ATP12A: variants seen among roughly 807,000 people sequenced by gnomAD.
ATP12A encodes the protein ATPase H+/K+ transporting non-gastric alpha2 subunit.
In ATP12A, 81 loss-of-function variants were observed where a neutral mutation model predicts 111.2. The observed-to-expected ratio is 0.73, with a 90% CI of 0.61 to 0.88. ATP12A has a LOEUF of 0.88. Ranked by LOEUF, ATP12A falls within the 40% of genes least tolerant of loss-of-function variation. The pLI is 0.00. For missense variants in ATP12A, 1,196 were observed against 1,313.1 expected (o/e 0.91, Z 1.38); for synonymous variants, 498 against 499.8 (o/e 1.00, Z 0.05).
rs747492140 is a variant in ATP12A, at chr13:24,692,510, T to C, written c.1150T>C (p.Ser384Pro). Reference protein sequence around the residue: ...KNLEAVETLGSTSIICSDKTG... With the variant: ...KNLEAVETLGPTSIICSDKTG... ...CCTGGAGGCTGTGGAGACCCTCGGC[T>C]CCACCTCCATCATCTGCTCGGACAA... The change falls in exon 9 of 23, where the codon TCC (serine) becomes CCC (proline). Residue 384 changes from serine (S) to proline (P), a missense_variant. This residue lies in a region of ATP12A where 1,126 missense variants were observed against 1,228.5 expected (regional missense o/e 0.92). Coordinates refer to ENST00000381946, the MANE Select transcript of ATP12A (RefSeq NM_001676.7). The C allele has an allele frequency of 6.2e-6, 10 of 1,614,146 alleles. No homozygotes were observed. In the South Asian group the frequency reaches 1.1e-4, roughly 18 times the overall value.
At chr13:24,701,725 G>A (rs1875405622) in intron 13 of ATP12A, among the ~76,000 whole-genome samples, 1 of 152,182 alleles carries the variant, frequency 6.6e-6, no homozygotes, top group Admixed American at 6.5e-5. Context: ...TCATGTCAGA[G>A]GAGGAAGCGT....
intron 12 of ATP12A, 86 bp downstream of exon 12, chr13:24,698,936 G>A: frequency 8.2e-6 from 12 of 1,471,144 alleles, no homozygotes; most frequent in Non-Finnish European, 1.1e-5. Context: ...CTAGCCCAGT[G>A]GCCATGGCAT....
chr13:24,696,728 A>AAAAAAG (rs1875181653), intron 11 of ATP12A, among the ~76,000 whole-genome samples: 1 of 55,108 alleles, frequency 1.8e-5, no homozygotes, highest in Non-Finnish European at 3.2e-5. Context: ...CAAAAAAAAA[A>AAAAAAG]AAAAAAAAAA....
At chr13:24,688,899 G>T (rs1446013105) in intron 4 of ATP12A, among the ~76,000 whole-genome samples, 1 of 152,086 alleles carries the variant, frequency 6.6e-6, no homozygotes, top group African/African-American at 2.4e-5. Flanking sequence ...GAGGCAACAA[G>T]CTACATGTCA....
Position 24,689,368 on chromosome 13 carries a change from T to A in ATP12A, c.539T>A (p.Ile180Asn), listed in dbSNP as rs1266943768. 2 of 1,613,772 alleles carry A rather than the reference T, an allele frequency of 1.2e-6. No homozygotes were observed. Among genetic ancestry groups the A allele is most frequent in the Admixed American group, 1.7e-5 (1 of 60,020 alleles). Residue 180 changes from isoleucine to asparagine, a missense_variant, in exon 5 of 23, where the codon ATC becomes AAC. Ile to Asn is a moderately radical substitution (Grantham distance 149). Transcript: ENST00000381946. The part of the protein sequence containing the change: ...TNIMSSFNKM[I>N]PQQALVIRDS... ...ATCATGTCCAGCTTCAATAAGATGATCCCTCAGGTGAGTGGCAGCCACCTA... is the reference window on the plus strand; with the variant it reads ...ATCATGTCCAGCTTCAATAAGATGAACCCTCAGGTGAGTGGCAGCCACCTA...
intron 11 of ATP12A, among the ~76,000 whole-genome samples, chr13:24,695,748 C>T (rs543201389): frequency 6.6e-5 from 10 of 151,844 alleles, no homozygotes; most frequent in Non-Finnish European, 1.3e-4. Context: ...GCTGGGACTA[C>T]AGGAATGCAC....
intron 8 of ATP12A, among the ~76,000 whole-genome samples, chr13:24,692,175 GT>G (rs1313391034): frequency 2.6e-5 from 4 of 152,120 alleles, no homozygotes; most frequent in African/African-American, 9.7e-5. Flanking sequence ...TGGGTCCCTT[GT>G]TTTCTTCAAG....
At chr13:24,707,482 T>C in intron 17 of ATP12A, 49 bp downstream of exon 17, 1 of 1,609,320 alleles carries the variant, frequency 6.2e-7, no homozygotes, top group Non-Finnish European at 8.5e-7. Context: ...CCAGGGGAGG[T>C]CAAGTTCAGG....
chr13:24,710,410 GAA>G, intron 19 of ATP12A, 48 bp from the exon 20 acceptor site: 2 of 1,604,264 alleles, frequency 1.2e-6, no homozygotes, highest in Non-Finnish European at 1.7e-6. Context: ...GAATTTCCTA[GAA>G]GTTTTCCTTT....
rs374530679 is a variant in ATP12A at position 24,702,070 on chromosome 13, C to T, written c.2017C>T (p.Arg673Trp). Reference sequence around the variant, plus strand: ...CATTGCTGTGGAGCAAGTTAACAAACGGTAAGCACAGGAGCAGCATAGTAA... The same window carrying T: ...CATTGCTGTGGAGCAAGTTAACAAATGGTAAGCACAGGAGCAGCATAGTAA... ...LNIAVEQVNK[R>W]DAKAAVVTGM... The change falls in exon 14 of 23, where the codon CGG becomes TGG. Residue 673 changes from arginine to tryptophan, a missense_variant and splice_region_variant. By Grantham distance (101) the Arg-to-Trp change is moderately radical. This residue lies in a region of ATP12A where 1,126 missense variants were observed against 1,228.5 expected (regional missense o/e 0.92). Transcript: ENST00000381946. The T allele has an allele frequency of 2.8e-5, 45 of 1,614,080 alleles. No homozygotes were observed. The highest frequency in any genetic ancestry group is 5.3e-5 in the African/African-American group (4 of 74,930).
intron 11 of ATP12A, among the ~76,000 whole-genome samples, chr13:24,697,316 T>C (rs1875207695): frequency 6.6e-6 from 1 of 152,190 alleles, no homozygotes; most frequent in Non-Finnish European, 1.5e-5. Context: ...GTGTTTCATA[T>C]TATCCCTATG....
chr13:24,710,609 G>C lies in ATP12A; in HGVS notation c.2897+16G>C, dbSNP rs774086288. ...GTCTCTTCAGGTACTGCCTGTGCCC[G>C]GCCTCCTGGGGCAGCCCTGGGCCTG... On this transcript the variant is annotated intron_variant, in intron 20 of 22. Coordinates refer to ENST00000381946, the MANE Select transcript of ATP12A (RefSeq NM_001676.7). The C allele has an allele frequency of 9.3e-6, 15 of 1,613,824 alleles. No individual in the cohort carries two copies. The highest frequency in any genetic ancestry group is 1.3e-5 in the Non-Finnish European group (15 of 1,179,970).
rs1240199563 is a variant in ATP12A, at chr13:24,688,512, C to A, written c.422C>A (p.Ser141Tyr). The A allele has an allele frequency of 6.3e-7, 1 of 1,593,770 alleles. No individual in the cohort carries two copies. Among genetic ancestry groups the A allele is most frequent in the Admixed American group, 1.7e-5 (1 of 58,710 alleles). The change falls in exon 4 of 23, where the codon TCC becomes TAC. Residue 141 changes from serine to tyrosine, a missense_variant. Physicochemically the swap from Ser to Tyr is moderately radical, Grantham distance 144. Around this residue, in one of 3 missense-constraint regions of ATP12A, gnomAD observed 1,126 missense variants for 1,228.5 expected, o/e 0.92. Coordinates refer to ENST00000381946, the MANE Select transcript of ATP12A (RefSeq NM_001676.7). ...GIQYSSDKSA[S>Y]LNNVYLGCVL... is the part of the protein sequence containing the mutation. ...CAGTACTCCAGCGACAAGTCTGCAT[C>A]CCTGAACAACGTAAGGCTCTGGGGT...
At chr13:24,682,311 T>C (rs1593129037) in intron 2 of ATP12A, among the ~76,000 whole-genome samples, 1 of 138,652 alleles carries the variant, frequency 7.2e-6, no homozygotes, top group Non-Finnish European at 1.6e-5. Context: ...ATGTGCATGG[T>C]ATGTGTGGTG....
At chr13:24,686,012 T>A (rs1387490237) in intron 3 of ATP12A, among the ~76,000 whole-genome samples, 1 of 152,206 alleles carries the variant, frequency 6.6e-6, no homozygotes, top group Non-Finnish European at 1.5e-5. Context: ...TTTCCACACA[T>A]GGAGGTGCTT....
chr13:24,708,950 A>AAGGAAGG lies in ATP12A; in HGVS notation c.2494-413_2494-412insGGAAGGA, dbSNP rs1566078338. 2.3e-4 allele frequency among the ~76,000 whole-genome samples: 30 copies of AAGGAAGG among 131,574 alleles called. 2 individuals carry two copies. Among genetic ancestry groups the AAGGAAGG allele is most frequent in the African/African-American group, 8.8e-4 (29 of 32,828 alleles). The allele number at this position is 131,574 out of a possible 152,430, so 86.3% of individuals were successfully genotyped here. ...GAAAGAAAGAAAGAAAGAAAGAAAG[A>AAGGAAGG]AAGAAAGAAAGAAGGAAAGAGAAAG... On this transcript the variant is annotated intron_variant, in intron 17 of 22. Transcript: ENST00000381946.
At chr13:24,683,846 T>C (rs991819043) in intron 2 of ATP12A, among the ~76,000 whole-genome samples, 1 of 152,192 alleles carries the variant, frequency 6.6e-6, no homozygotes, top group African/African-American at 2.4e-5. Flanking sequence ...GACATATCTG[T>C]TTTTCCCTTG....
rs1192612762 is a variant in ATP12A, at chr13:24,692,820, C to T, written c.1301C>T (p.Ala434Val). 1.9e-6 allele frequency: 3 copies of T among 1,614,194 alleles called. No homozygotes were observed. Among genetic ancestry groups the T allele is most frequent in the South Asian group, 1.1e-5 (1 of 91,078 alleles). Reference sequence around the variant, plus strand: ...TTTGACCAAAGCTCTAGGACTTGGGCCTCCTTATCCAAGATAATAACATTG... The same window carrying T: ...TTTGACCAAAGCTCTAGGACTTGGGTCTCCTTATCCAAGATAATAACATTG... ...QVFDQSSRTW[A>V]SLSKIITLCN... Residue 434 changes from alanine (A) to valine (V), a missense_variant, in exon 10 of 23, where the codon GCC becomes GTC. Ala to Val is a moderately conservative substitution (Grantham distance 64, BLOSUM62 0). Coordinates refer to ENST00000381946, the MANE Select transcript of ATP12A (RefSeq NM_001676.7).
At chr13:24,688,134 A>G (rs897110995) in intron 3 of ATP12A, among the ~76,000 whole-genome samples, 185 bp from the exon 4 acceptor site, 3 of 152,180 alleles carry the variant, frequency 2.0e-5, no homozygotes, top group Non-Finnish European at 4.4e-5. Flanking sequence ...TAAGCATTAC[A>G]TAGTCTTTCA....
Sources: allele counts gnomAD v4.1 joint callset (sites outside exome capture counted in the v4.1 genomes callset), GRCh38; gene constraint gnomAD v4.1.1; regional missense constraint gnomAD v4.1.1; transcripts MANE v1.5; gene names NCBI Gene and HGNC (gene_info 2026-07-23, HGNC 2026-07-21).